Variants in EPB41L2 observed in about 807,000 individuals in gnomAD.
EPB41L2 encodes the protein erythrocyte membrane protein band 4.1 like 2.
Under a neutral mutation model 113.0 loss-of-function variants are expected in EPB41L2, and 43 were observed. That is an observed-to-expected ratio of 0.38 (90% CI 0.30 to 0.49). EPB41L2 has a LOEUF of 0.49. Among genes scored for constraint, EPB41L2 ranks in the 20% least tolerant of loss-of-function variants. The pLI, the probability that EPB41L2 is intolerant of heterozygous loss-of-function variation, is 0.95. For synonymous variants in EPB41L2, 442 were observed against 436.7 expected, an observed-to-expected ratio of 1.01 and a Z score of -0.15; for missense variants, 1,147 against 1,223.4, an observed-to-expected ratio of 0.94 and a Z score of 0.93.
intron 1 of EPB41L2, among the ~76,000 whole-genome samples, chr6:130,959,754 T>C (rs1026801946): frequency 8.5e-5 from 13 of 152,198 alleles, no homozygotes; most frequent in African/African-American, 3.1e-4. Context: ...CCAAAGTGTA[T>C]TTCTAGTATA....
intron 1 of EPB41L2, among the ~76,000 whole-genome samples, chr6:131,003,908 G>C (rs1306581680): frequency 6.6e-6 from 1 of 152,218 alleles, no homozygotes; most frequent in East Asian, 1.9e-4. Context: ...CTTGCAGCTT[G>C]AATCTCTGAG....
At chr6:130,848,829 G>A (rs759731567) in intron 19 of EPB41L2, among the ~76,000 whole-genome samples, 3 of 152,016 alleles carry the variant, frequency 2.0e-5, no homozygotes, top group Non-Finnish European at 4.4e-5. Context: ...TGGTATCTGG[G>A]GTATCTAACA....
At chr6:130,845,214 G>T (rs1425962394) in intron 19 of EPB41L2, among the ~76,000 whole-genome samples, 3 of 152,164 alleles carry the variant, frequency 2.0e-5, no homozygotes, top group African/African-American at 7.2e-5. Flanking sequence ...TCTTTAAGGG[G>T]ACCATAGAGT....
intron 1 of EPB41L2, among the ~76,000 whole-genome samples, chr6:131,012,432 C>T (rs1787247470): frequency 6.9e-6 from 1 of 145,500 alleles, no homozygotes; most frequent in South Asian, 2.3e-4. Context: ...CACTAGCACA[C>T]CTTCAAGTTG....
chr6:131,008,231 A>G (rs1786054478), intron 1 of EPB41L2, among the ~76,000 whole-genome samples: 1 of 152,234 alleles, frequency 6.6e-6, no homozygotes, highest in Non-Finnish European at 1.5e-5. Flanking sequence ...CTTCAGCTCC[A>G]GCTGTGGTGG....
chr6:130,929,857 T>TCACACACACACACACACACACA (rs140350248), intron 3 of EPB41L2, among the ~76,000 whole-genome samples: 3 of 123,372 alleles, frequency 2.4e-5, no homozygotes, highest in African/African-American at 5.9e-5. Context: ...AGACAGACAG[T>TCACACACACACACACACACACA]CACACACACA....
chr6:131,054,309 T>C (rs1797193187), intron 1 of EPB41L2, among the ~76,000 whole-genome samples: 1 of 150,324 alleles, frequency 6.7e-6, no homozygotes, highest in Non-Finnish European at 1.5e-5. Context: ...CTCATTCAAG[T>C]CCCTATAGGA....
chr6:130,853,995 TG>T lies in EPB41L2; in HGVS notation c.*5+4135del, dbSNP rs778937044. On this transcript the variant is annotated intron_variant, in intron 19 of 19. Transcript: ENST00000337057. The stretch of plus-strand genomic sequence containing the variant: ...TTTTTTAAGAGTGAGCTGCAGCCAG[TG>T]GGGGGTGGAGATGCCAAAATGACTT... Among the ~76,000 whole-genome samples the T allele has an allele frequency of 5.3e-5, 8 of 152,192 alleles. No individual in the cohort carries two copies. In the South Asian group the frequency reaches 1.7e-3, roughly 32 times the overall value.
chr6:130,946,881 T>C (rs1276364877), intron 3 of EPB41L2, among the ~76,000 whole-genome samples: 1 of 152,084 alleles, frequency 6.6e-6, no homozygotes, highest in Non-Finnish European at 1.5e-5. Flanking sequence ...GGGGGTACTT[T>C]TGTTGACCAA....
At chr6:130,986,410 A>G (rs1780560333) in intron 1 of EPB41L2, among the ~76,000 whole-genome samples, 1 of 152,144 alleles carries the variant, frequency 6.6e-6, no homozygotes, top group Non-Finnish European at 1.5e-5. Context: ...TACCACTTCA[A>G]ACCCACCAGG....
At chr6:131,056,282 GAGA>G (rs1488537094) in intron 1 of EPB41L2, among the ~76,000 whole-genome samples, 9 of 152,298 alleles carry the variant, frequency 5.9e-5, no homozygotes, top group South Asian at 4.1e-4. Flanking sequence ...TGGTTATAGA[GAGA>G]AGAAGTTAGA....
chr6:131,054,597 T>C lies in EPB41L2; in HGVS notation c.-15+8558A>G, dbSNP rs533959853. Among the ~76,000 whole-genome samples the C allele has an allele frequency of 3.0e-4, 46 of 152,368 alleles. No homozygotes were observed. The South Asian group carries it at 8.7e-3, about 29-fold the overall frequency. On this transcript the variant is annotated intron_variant, in intron 1 of 19. Transcript: ENST00000337057. Reference sequence around the variant, plus strand: ...TCTTCAGGTCTCTGTTTGTCACTGATAGTCCCTGTTCGGGCGCCACTTGTG... The same window carrying C: ...TCTTCAGGTCTCTGTTTGTCACTGACAGTCCCTGTTCGGGCGCCACTTGTG...
intron 1 of EPB41L2, among the ~76,000 whole-genome samples, chr6:130,965,658 AAAAG>A (rs1211015961): frequency 2.1e-5 from 3 of 140,444 alleles, no homozygotes; most frequent in Admixed American, 7.2e-5. Context: ...AAAAAAAAAA[AAAAG>A]AAAGAAAGAA....
rs34376821 is a variant in EPB41L2, at chr6:131,059,114, C to CTTCTTTTT, written c.-15+4040_-15+4041insAAAAAGAA. On this transcript the variant is annotated intron_variant, in intron 1 of 19. Transcript: ENST00000337057. Reference sequence around the variant, plus strand: ...TCTTTCCTTCTTGGCTTACCTATAACTTTTTTTTTTTTTTTTTTGAGATGG... The same window carrying CTTCTTTTT: ...TCTTTCCTTCTTGGCTTACCTATAACTTCTTTTTTTTTTTTTTTTTTTTTTTGAGATGG... 1.1e-4 allele frequency among the ~76,000 whole-genome samples: 14 copies of CTTCTTTTT among 131,374 alleles called. 1 individual carries two copies. The highest frequency in any genetic ancestry group is 2.4e-4 in the Admixed American group (3 of 12,656). 86.2% of individuals were successfully genotyped at this position (131,374 alleles called of 152,430 possible).
intron 6 of EPB41L2, among the ~76,000 whole-genome samples, chr6:130,901,440 T>A (rs1191526234): frequency 2.0e-5 from 3 of 152,096 alleles, no homozygotes; most frequent in African/African-American, 7.2e-5. Context: ...GTTTTATAAC[T>A]GAAGTAAAAA....
intron 1 of EPB41L2, among the ~76,000 whole-genome samples, chr6:130,958,984 G>C (rs764707691): frequency 1.3e-5 from 2 of 152,190 alleles, no homozygotes; most frequent in African/African-American, 2.4e-5. Flanking sequence ...GGGTTGATCT[G>C]ATCTCTGGTT....
intron 1 of EPB41L2, among the ~76,000 whole-genome samples, chr6:130,964,114 C>T (rs143150146): frequency 0.011 from 1,622 of 151,846 alleles, 15 homozygotes; most frequent in Non-Finnish European, 0.018. Flanking sequence ...CTCCGCCTGC[C>T]GGGTTCAAGC....
At chr6:130,985,146 G>T (rs1780235642) in intron 1 of EPB41L2, among the ~76,000 whole-genome samples, 1 of 152,204 alleles carries the variant, frequency 6.6e-6, no homozygotes, top group South Asian at 2.1e-4. Flanking sequence ...CCCAGAGTGA[G>T]ATCTTCTGTT....
chr6:130,901,096 G>A lies in EPB41L2; in HGVS notation c.1014C>T (p.Ser338=). 6.2e-7 allele frequency: 1 copy of A among 1,614,116 alleles called. No individual in the cohort carries two copies. The highest frequency in any genetic ancestry group is 8.5e-7 in the Non-Finnish European group (1 of 1,180,006). ...CACCAAGTTCAGCCTGCAGGGTGTAGGATCCCAGGAGAGCATGAGTCACAA... is the reference window on the plus strand; with the variant it reads ...CACCAAGTTCAGCCTGCAGGGTGTAAGATCCCAGGAGAGCATGAGTCACAA... ...CSFVTHALLG[S]YTLQAELGDY... is the part of the protein sequence containing the mutation. The change falls in exon 7 of 20, where the codon TCC becomes TCT. Residue 338 remains serine (S), a synonymous_variant. Transcript: ENST00000337057.
Sources: gnomAD v4.1 joint callset for allele counts (sites outside exome capture counted in the v4.1 genomes callset) on GRCh38, gnomAD v4.1.1 for gene constraint, MANE v1.5 for transcripts, NCBI Gene and HGNC (gene_info 2026-07-23, HGNC 2026-07-21) for gene names.